LRRFIP2: variants seen among roughly 807,000 people sequenced by gnomAD.
LRRFIP2 encodes the protein LRR binding FLII interacting protein 2.
Under a neutral mutation model 125.9 loss-of-function variants are expected in LRRFIP2, and 109 were observed. The ratio of observed to expected loss-of-function variants is 0.87; its 90% CI spans 0.74 to 1.01. LRRFIP2 has a LOEUF of 1.01. Ranked by LOEUF, LRRFIP2 falls within the 50% of genes least tolerant of loss-of-function variation. LRRFIP2 has a pLI of 0.00. For synonymous variants in LRRFIP2, 291 were observed against 293.1 expected, an observed-to-expected ratio of 0.99 and a Z score of 0.07; for missense variants, 850 against 862.3, an observed-to-expected ratio of 0.99 and a Z score of 0.18.
chr3:37,054,439 T>C lies in LRRFIP2; in HGVS notation c.2027A>G (p.Lys676Arg). Residue 676 changes from lysine to arginine, a missense_variant, in exon 27 of 28, where the codon AAA becomes AGA. Physicochemically the swap from Lys to Arg is conservative, Grantham distance 26. Transcript: ENST00000336686. ...ENAEKVEDEL[K>R]AEKRKLQREL... Reference sequence around the variant, plus strand: ...TCGTTGTAGCTTCCGTTTTTCTGCTTTCAATTCATCTTCAACTTTCTCAGC... The same window carrying C: ...TCGTTGTAGCTTCCGTTTTTCTGCTCTCAATTCATCTTCAACTTTCTCAGC... The C allele has an allele frequency of 1.2e-6, 2 of 1,613,936 alleles. No individual in the cohort carries two copies. The highest frequency in any genetic ancestry group is 1.7e-6 in the Non-Finnish European group (2 of 1,179,898).
chr3:37,097,590 A>T (rs2093789420), intron 15 of LRRFIP2, among the ~76,000 whole-genome samples: 1 of 152,112 alleles, frequency 6.6e-6, no homozygotes, highest in Non-Finnish European at 1.5e-5. Flanking sequence ...ATACTAATAG[A>T]CTTCCCTCAT....
In LRRFIP2 at chr3:37,091,556, G is replaced by C; in HGVS notation, c.1036-18C>G. The C allele has an allele frequency of 6.4e-7, 1 of 1,564,938 alleles. No homozygotes were observed. On this transcript the variant is annotated intron_variant, in intron 17 of 27. Coordinates refer to ENST00000336686, the MANE Select transcript of LRRFIP2 (RefSeq NM_006309.4). ...TAGATATCCTGCAGGACATAGGAAT[G>C]AACCATTGCATAAAACCATGCACAA...
chr3:37,152,494 A>G (rs1214335068), intron 1 of LRRFIP2, among the ~76,000 whole-genome samples: 1 of 151,956 alleles, frequency 6.6e-6, no homozygotes, highest in African/African-American at 2.4e-5. Flanking sequence ...CCCAGGCTGG[A>G]CTGCAGTGAC....
intron 15 of LRRFIP2, among the ~76,000 whole-genome samples, chr3:37,101,997 A>C (rs2094085033): frequency 6.6e-6 from 1 of 152,230 alleles, no homozygotes; most frequent in Admixed American, 6.5e-5. Context: ...TATTTAAAAT[A>C]TATTCAGATT....
intron 15 of LRRFIP2, among the ~76,000 whole-genome samples, chr3:37,101,670 A>AG (rs1458356311): frequency 7.2e-6 from 1 of 138,778 alleles, no homozygotes; most frequent in Non-Finnish European, 1.6e-5. Flanking sequence ...GTCACCAAGA[A>AG]AAAAAAAAAA....
Position 37,111,001 on chromosome 3 carries a change from T to C in LRRFIP2, c.503A>G (p.Tyr168Cys), listed in dbSNP as rs774622444. The change falls in exon 9 of 28, where the codon TAC becomes TGC. Residue 168 changes from tyrosine to cysteine, a missense_variant. Physicochemically the swap from Tyr to Cys is radical, Grantham distance 194 (BLOSUM62 -2). Coordinates refer to ENST00000336686, the MANE Select transcript of LRRFIP2 (RefSeq NM_006309.4). ...SLRHSKPTSA[Y>C]YTRQSSSLYS... The stretch of plus-strand genomic sequence containing the variant: ...AAAGTTTAGACAAACCCGAGTGTAG[T>C]AGGCAGAGGTGGGTTTGCTATGTCT... The C allele has an allele frequency of 3.1e-6, 5 of 1,613,682 alleles. No homozygotes were observed. Among genetic ancestry groups the C allele is most frequent in the Admixed American group, 1.7e-5 (1 of 59,980 alleles).
At chr3:37,166,478 C>T (rs756638305) in intron 1 of LRRFIP2, among the ~76,000 whole-genome samples, 8 of 152,102 alleles carry the variant, frequency 5.3e-5, no homozygotes, top group Non-Finnish European at 1.0e-4. Flanking sequence ...AGAACTCCTA[C>T]AACTAAGCAA....
At chr3:37,121,746 C>G in intron 4 of LRRFIP2, 55 bp from the exon 5 acceptor site, 2 of 1,537,542 alleles carry the variant, frequency 1.3e-6, no homozygotes, top group Non-Finnish European at 1.8e-6. Context: ...AGTTGTTTAT[C>G]AGAACAACTG....
chr3:37,124,186 T>A (rs978400174), intron 4 of LRRFIP2, among the ~76,000 whole-genome samples: 1 of 152,216 alleles, frequency 6.6e-6, no homozygotes, highest in Non-Finnish European at 1.5e-5. Flanking sequence ...ACTGAGCACT[T>A]GAAATGCAAC....
chr3:37,055,242 G>C, intron 25 of LRRFIP2, 77 bp from the exon 26 acceptor site: 3 of 806,030 alleles, frequency 3.7e-6, no homozygotes, highest in Non-Finnish European at 6.0e-6. Flanking sequence ...TACCTCTGTG[G>C]CACAGAGAGG....
chr3:37,073,608 C>T (rs1330523516), intron 20 of LRRFIP2, among the ~76,000 whole-genome samples: 1 of 151,966 alleles, frequency 6.6e-6, no homozygotes, highest in Non-Finnish European at 1.5e-5. Flanking sequence ...TCAGCATAAC[C>T]ATAGATACTA....
intron 8 of LRRFIP2, among the ~76,000 whole-genome samples, chr3:37,112,170 C>T (rs1260427858): frequency 6.6e-6 from 1 of 151,868 alleles, no homozygotes; most frequent in Non-Finnish European, 1.5e-5. Flanking sequence ...AACCCCATCT[C>T]TACAAAAATA....
chr3:37,135,220 G>A (rs973326064), intron 2 of LRRFIP2: 144 of 688,322 alleles, frequency 2.1e-4, no homozygotes, highest in South Asian at 1.2e-3. Context: ...TAGCACTTTG[G>A]GAGTCCAAGG....
intron 24 of LRRFIP2, among the ~76,000 whole-genome samples, chr3:37,059,874 G>C (rs931735349): frequency 6.6e-6 from 1 of 152,098 alleles, no homozygotes; most frequent in East Asian, 1.9e-4. Context: ...GGGTCAAAGG[G>C]AGGCCTCTGC....
At chr3:37,076,327 C>T (rs1374038893) in intron 19 of LRRFIP2, among the ~76,000 whole-genome samples, 1 of 151,708 alleles carries the variant, frequency 6.6e-6, no homozygotes, top group African/African-American at 2.4e-5. Context: ...AATTCAAGAC[C>T]CTGCCTGGGC....
chr3:37,117,510 C>G (rs577991996), intron 6 of LRRFIP2, among the ~76,000 whole-genome samples: 5 of 151,796 alleles, frequency 3.3e-5, no homozygotes, highest in African/African-American at 1.2e-4. Flanking sequence ...AAAGATTCAT[C>G]AAAGGAGGTA....
At chr3:37,098,095 T>C (rs571922671) in intron 15 of LRRFIP2, among the ~76,000 whole-genome samples, 3 of 130,652 alleles carry the variant, frequency 2.3e-5, no homozygotes, top group Admixed American at 7.9e-5. Flanking sequence ...CCCACACTTA[T>C]GTTTATAAAT....
chr3:37,114,079 A>G (rs954290419), intron 7 of LRRFIP2, among the ~76,000 whole-genome samples: 1 of 151,420 alleles, frequency 6.6e-6, no homozygotes, highest in African/African-American at 2.4e-5. Context: ...ATATAGCTGT[A>G]TTCCCAATCA....
chr3:37,111,553 T>C (rs1220853467), intron 8 of LRRFIP2, among the ~76,000 whole-genome samples: 1 of 152,178 alleles, frequency 6.6e-6, no homozygotes, highest in African/African-American at 2.4e-5. Flanking sequence ...GGCAGGTTCA[T>C]TTATACAATG....
Sources: allele counts gnomAD v4.1 joint callset (sites outside exome capture counted in the v4.1 genomes callset), GRCh38; gene constraint gnomAD v4.1.1; transcripts MANE v1.5; gene names NCBI Gene and HGNC (gene_info 2026-07-23, HGNC 2026-07-21).